Variants in IRAK4 observed in about 807,000 individuals in gnomAD.
IRAK4 encodes interleukin-1 receptor-associated kinase 4.
In IRAK4, 44 loss-of-function variants were observed where a neutral mutation model predicts 51.8. The observed-to-expected ratio is 0.85, with a 90% confidence interval of 0.67 to 1.09. The LOEUF (loss-of-function observed/expected upper bound fraction) is 1.09, where lower values mean the gene tolerates loss of function less well. IRAK4 is among the 50% of genes least tolerant of loss of function. The pLI is 0.00. For synonymous variants in IRAK4, 149 were observed against 174.1 expected, an observed-to-expected ratio of 0.86 and a Z score of 1.13; for missense variants, 487 against 538.0, an observed-to-expected ratio of 0.91 and a Z score of 0.94.
rs747953616 is a variant in IRAK4, at chr12:43,778,216, G to T, written c.855G>T (p.Trp285Cys). 1 of 1,607,446 alleles carries T rather than the reference G, an allele frequency of 6.2e-7. No individual in the cohort carries two copies. Among genetic ancestry groups the T allele is most frequent in the Admixed American group, 1.7e-5 (1 of 59,958 alleles). Residue 285 changes from tryptophan to cysteine, a missense_variant, in exon 8 of 12, where the codon TGG becomes TGT. By Grantham distance (215) the Trp-to-Cys change is radical (BLOSUM62 -2). Coordinates refer to ENST00000613694, the MANE Select transcript of IRAK4 (RefSeq NM_016123.4). ...AGGATGGTACTCCACCACTTTCTTG[G>T]CACATGAGATGCAAGATTGCTCAGG... The part of the protein sequence containing the change: ...SCLDGTPPLS[W>C]HMRCKIAQGA...
intron 1 of IRAK4, chr12:43,759,474 TTAGAAAGTGGAGGC>T (rs1939194754): frequency 1.3e-5 from 2 of 152,172 alleles, no homozygotes; most frequent in African/African-American, 4.8e-5. Context: ...TTCCAGGGAA[TTAGAAAGTGGAGGC>T]GGCTTATGGG....
intron 1 of IRAK4, among the ~76,000 whole-genome samples, chr12:43,761,142 A>G (rs998718803): frequency 6.6e-6 from 1 of 152,234 alleles, no homozygotes; most frequent in Non-Finnish European, 1.5e-5. Flanking sequence ...ATAGCTCTGG[A>G]AGCCCTCACC....
At chr12:43,759,929 A>G (rs1227182416) in intron 1 of IRAK4, among the ~76,000 whole-genome samples, 1 of 151,924 alleles carries the variant, frequency 6.6e-6, no homozygotes, top group East Asian at 1.9e-4. Flanking sequence ...TTGAGCATTT[A>G]GAATGGGAAC....
chr12:43,765,421 C>T (rs1940026479), intron 1 of IRAK4, among the ~76,000 whole-genome samples: 1 of 152,050 alleles, frequency 6.6e-6, no homozygotes, highest in East Asian at 1.9e-4. Flanking sequence ...GGGCATTGTC[C>T]CCATAAATAA....
chr12:43,773,848 A>AGAATAATACACTATTGTTTTAAAG (rs1378652170), intron 5 of IRAK4, 117 bp from the exon 6 acceptor site: 8 of 699,616 alleles, frequency 1.1e-5, no homozygotes, highest in Non-Finnish European at 1.8e-5. Flanking sequence ...TAGAATTGGG[A>AGAATAATACACTATTGTTTTAAAG]GAATAATACA....
chr12:43,783,544 G>A (rs746640027), intron 9 of IRAK4, 118 bp from the exon 10 acceptor site: 27 of 686,720 alleles, frequency 3.9e-5, no homozygotes, highest in Middle Eastern at 7.6e-4. Flanking sequence ...TGGTCGTGAA[G>A]TCCGGGGCTC....
chr12:43,783,327 T>TA (rs1163229484), intron 9 of IRAK4, among the ~76,000 whole-genome samples: 3 of 151,862 alleles, frequency 2.0e-5, no homozygotes, highest in East Asian at 1.9e-4. Flanking sequence ...AATATATATA[T>TA]TTTTTAGAGA....
intron 6 of IRAK4, among the ~76,000 whole-genome samples, chr12:43,775,462 AT>A (rs1377759562): frequency 6.6e-6 from 1 of 152,204 alleles, no homozygotes; most frequent in African/African-American, 2.4e-5. Flanking sequence ...CATCTCTCAA[AT>A]ATATCACTCA....
intron 3 of IRAK4, among the ~76,000 whole-genome samples, chr12:43,771,871 G>A (rs536853228): frequency 6.6e-6 from 1 of 152,170 alleles, no homozygotes; most frequent in Admixed American, 6.5e-5. Context: ...GTTTCCTAGG[G>A]TCTGTTCCAA....
chr12:43,768,995 A>G (rs1325503211), intron 2 of IRAK4, among the ~76,000 whole-genome samples: 1 of 152,228 alleles, frequency 6.6e-6, no homozygotes, highest in Non-Finnish European at 1.5e-5. Flanking sequence ...ATATTTCCTC[A>G]TAAGAAGAGC....
intron 2 of IRAK4, 126 bp from the exon 3 acceptor site, chr12:43,771,094 C>A: frequency 1.2e-6 from 1 of 854,910 alleles, no homozygotes; most frequent in Non-Finnish European, 1.9e-6. Context: ...GACTTCCCAG[C>A]CTCCAGAACC....
At chr12:43,768,883 A>G (rs1409130946) in intron 2 of IRAK4, among the ~76,000 whole-genome samples, 1 of 152,184 alleles carries the variant, frequency 6.6e-6, no homozygotes, top group Non-Finnish European at 1.5e-5. Flanking sequence ...GTTAAAACCT[A>G]TGTCAAAATG....
intron 1 of IRAK4, among the ~76,000 whole-genome samples, chr12:43,767,765 ATAGT>A (rs1940319231): frequency 1.3e-5 from 2 of 152,200 alleles, no homozygotes; most frequent in Middle Eastern, 6.8e-3. Flanking sequence ...GCTAATTCTG[ATAGT>A]TTGTTGATAT....
At chr12:43,763,585 A>T (rs980138218) in intron 1 of IRAK4, 1 of 152,204 alleles carries the variant, frequency 6.6e-6, no homozygotes, top group Non-Finnish European at 1.5e-5. Context: ...TAACCAACAT[A>T]AACAAAAGCC....
intron 6 of IRAK4, among the ~76,000 whole-genome samples, chr12:43,775,864 A>G (rs1048281593): frequency 3.4e-5 from 5 of 146,116 alleles, no homozygotes; most frequent in Non-Finnish European, 7.5e-5. Flanking sequence ...ACCTTCATTT[A>G]ATATCATTAC....
chr12:43,779,262 A>G (rs191094771), intron 8 of IRAK4, among the ~76,000 whole-genome samples: 1 of 151,298 alleles, frequency 6.6e-6, no homozygotes, highest in Admixed American at 6.6e-5. Flanking sequence ...GACTCTGTCT[A>G]AAAAAAAATG....
At position 43,788,926 on chromosome 12, in the gene IRAK4, A is replaced by G. The variant is rs1942385108; in HGVS notation, c.*2211A>G. The stretch of plus-strand genomic sequence containing the variant: ...GAATGTTTTACTTATTGCCTGTACC[A>G]CCAACTGTATCTTGGAAATAAATAA... On this transcript the variant is annotated 3_prime_UTR_variant, in exon 12 of 12. Coordinates refer to ENST00000613694, the MANE Select transcript of IRAK4 (RefSeq NM_016123.4). 1 of 152,050 alleles carries G rather than the reference A, an allele frequency of 6.6e-6. No homozygotes were observed. Among genetic ancestry groups the G allele is most frequent in the Non-Finnish European group, 1.5e-5 (1 of 68,002 alleles). 9.4% of individuals were successfully genotyped at this position (152,050 alleles called of 1,614,324 possible). A position where few individuals can be genotyped will look rare whatever the true frequency, so the allele number is the denominator to read the frequency against.
At chr12:43,763,860 T>C (rs1010721660) in intron 1 of IRAK4, among the ~76,000 whole-genome samples, 1 of 152,202 alleles carries the variant, frequency 6.6e-6, no homozygotes, top group East Asian at 1.9e-4. Flanking sequence ...AACATATCCA[T>C]CAGTGTCTAT....
intron 6 of IRAK4, 117 bp from the exon 7 acceptor site, chr12:43,777,513 A>G: frequency 1.2e-6 from 1 of 820,464 alleles, no homozygotes; most frequent in South Asian, 2.4e-5. Flanking sequence ...GTTAGAAATA[A>G]TATATAACAT....
Sources: allele counts gnomAD v4.1 joint callset (sites outside exome capture counted in the v4.1 genomes callset), GRCh38; gene constraint gnomAD v4.1.1; transcripts MANE v1.5; gene names NCBI Gene and HGNC (gene_info 2026-07-23, HGNC 2026-07-21).